The following ZC3H18 variants were observed in gnomAD, a reference collection of about 807,000 sequenced individuals.
ZC3H18 encodes the protein zinc finger CCCH domain-containing protein 18.
ZC3H18 carries 8 observed loss-of-function variants against 106.1 expected under a neutral mutation model. The observed-to-expected ratio is 0.08, with a 90% CI of 0.04 to 0.14. The LOEUF (loss-of-function observed/expected upper bound fraction) is 0.14. Among genes scored for constraint, ZC3H18 ranks in the 10% least tolerant of loss-of-function variants. ZC3H18 has a pLI of 1.00. For missense variants in ZC3H18, 1,318 were observed against 1,278.4 expected (o/e 1.03, Z -0.47); for synonymous variants, 635 against 522.1 (o/e 1.22, Z -2.95).
At chr16:88,620,414 C>A (rs1905884063) in intron 8 of ZC3H18, among the ~76,000 whole-genome samples, 10 of 151,968 alleles carry the variant, frequency 6.6e-5, no homozygotes, top group Admixed American at 6.6e-4. Context: ...CATAGGGAGA[C>A]CTCAAATCAA....
intron 8 of ZC3H18, among the ~76,000 whole-genome samples, chr16:88,617,502 G>T (rs530576809): frequency 1.3e-5 from 2 of 152,242 alleles, no homozygotes; most frequent in South Asian, 4.1e-4. Flanking sequence ...CACCGCCGAG[G>T]CACGTCATTA....
chr16:88,608,947 G>T lies in ZC3H18; in HGVS notation c.1102G>T (p.Ala368Ser). 1.2e-6 allele frequency: 2 copies of T among 1,613,030 alleles called. No homozygotes were observed. Among genetic ancestry groups the T allele is most frequent in the Non-Finnish European group, 1.7e-6 (2 of 1,179,434 alleles). The change falls in exon 7 of 18, where the codon GCA becomes TCA. Residue 368 changes from alanine to serine, a missense_variant. Around this residue, in one of 6 missense-constraint regions of ZC3H18, gnomAD observed 848 missense variants for 821.7 expected, o/e 1.03. Coordinates refer to ENST00000301011, the MANE Select transcript of ZC3H18 (RefSeq NM_144604.4). ...DVRDTVLEPY[A>S]DPYYDYEIER... ...GGCCCTTTTCAGACTCGAGCCTTAC[G>T]CAGACCCTTATTATGACTATGAAAT... is the stretch of plus-strand genomic sequence containing the variant.
chr16:88,582,458 G>A (rs1298248951), intron 2 of ZC3H18, among the ~76,000 whole-genome samples: 2 of 151,862 alleles, frequency 1.3e-5, no homozygotes, highest in African/African-American at 2.4e-5. Flanking sequence ...TCCTGACCTC[G>A]TGATCCACCC....
At chr16:88,588,976 C>A (rs893118835) in intron 3 of ZC3H18, among the ~76,000 whole-genome samples, 2 of 151,870 alleles carry the variant, frequency 1.3e-5, no homozygotes, top group African/African-American at 4.8e-5. Context: ...TGTTTTTATT[C>A]TGTAGAGTGA....
intron 3 of ZC3H18, among the ~76,000 whole-genome samples, chr16:88,587,868 G>A (rs1051845805): frequency 6.6e-6 from 1 of 152,202 alleles, no homozygotes; most frequent in Non-Finnish European, 1.5e-5. Context: ...TAGAGCAGCC[G>A]GGAACGCCCC....
At chr16:88,612,764 G>A (rs372848613) in intron 8 of ZC3H18, among the ~76,000 whole-genome samples, 3 of 152,044 alleles carry the variant, frequency 2.0e-5, no homozygotes, top group Non-Finnish European at 1.5e-5. Flanking sequence ...CACTTTGGGC[G>A]GCCGGGATGG....
Position 88,631,604 on chromosome 16 carries a change from C to T in ZC3H18, c.*305C>T, listed in dbSNP as rs1906696881. Reference sequence around the variant, plus strand: ...CCTTCTCTTCCTCCTCCTCCGTCTTCTTCCCTGGCCCTGGTCAGGCCTGTG... The same window carrying T: ...CCTTCTCTTCCTCCTCCTCCGTCTTTTTCCCTGGCCCTGGTCAGGCCTGTG... On this transcript the variant is annotated 3_prime_UTR_variant, in exon 18 of 18. Transcript: ENST00000301011. The T allele has an allele frequency of 2.0e-6, 1 of 494,300 alleles. No individual in the cohort carries two copies. The highest frequency in any genetic ancestry group is 5.7e-5 in the East Asian group (1 of 17,618). 30.6% of individuals were successfully genotyped at this position (494,300 alleles called of 1,614,324 possible). A position where few individuals can be genotyped will look rare whatever the true frequency, so the allele number is the denominator to read the frequency against.
At chr16:88,588,150 A>G (rs1915544326) in intron 3 of ZC3H18, among the ~76,000 whole-genome samples, 1 of 152,228 alleles carries the variant, frequency 6.6e-6, no homozygotes, top group Admixed American at 6.5e-5. Flanking sequence ...AAGAAATTGG[A>G]ATTTAAGCAG....
intron 2 of ZC3H18, among the ~76,000 whole-genome samples, chr16:88,583,749 A>G (rs1358785187): frequency 6.6e-6 from 1 of 152,166 alleles, no homozygotes. Context: ...ACTCACCCTC[A>G]GTGTCCACGT....
In ZC3H18 at chr16:88,611,469, C is replaced by T; in HGVS notation, c.1408C>T (p.Arg470Cys). The change falls in exon 8 of 18, where the codon CGC (arginine) becomes TGC (cysteine). Residue 470 changes from arginine to cysteine, a missense_variant. Arg to Cys is a radical substitution (Grantham distance 180). This residue lies in a region of ZC3H18 where 848 missense variants were observed against 821.7 expected (regional missense o/e 1.03). Coordinates refer to ENST00000301011, the MANE Select transcript of ZC3H18 (RefSeq NM_144604.4). Reference protein sequence around the residue: ...RDEKDRQHRDRDREKEREKEK... With the variant: ...RDEKDRQHRDCDREKEREKEK... The stretch of plus-strand genomic sequence containing the variant: ...CGAGAAGGACCGGCAGCACCGTGAC[C>T]GCGACCGGGAGAAGGAGCGGGAGAA... 2 of 1,547,882 alleles carry T rather than the reference C, an allele frequency of 1.3e-6. No individual in the cohort carries two copies. Among genetic ancestry groups the T allele is most frequent in the Non-Finnish European group, 1.7e-6 (2 of 1,143,846 alleles).
chr16:88,630,349 A>G (rs1197413501), intron 16 of ZC3H18, 136 bp from the exon 17 acceptor site: 1 of 637,616 alleles, frequency 1.6e-6, no homozygotes, highest in Admixed American at 3.0e-5. Context: ...TCCCCTTTTT[A>G]TTTCTTTATA....
chr16:88,610,526 T>C (rs1420766572), intron 7 of ZC3H18, among the ~76,000 whole-genome samples: 4 of 152,218 alleles, frequency 2.6e-5, no homozygotes, highest in Admixed American at 2.0e-4. Flanking sequence ...TTCCACTGCG[T>C]TCCTCTCTGC....
chr16:88,627,469 C>T lies in ZC3H18; in HGVS notation c.2109-153C>T. 1.0e-5 allele frequency: 11 copies of T among 1,054,946 alleles called. No homozygotes were observed. The highest frequency in any genetic ancestry group is 1.5e-5 in the Non-Finnish European group (11 of 743,282). 65.3% of individuals were successfully genotyped at this position (1,054,946 alleles called of 1,614,324 possible). ...CATGGGGACGTCCCTTACTTTGTAA[C>T]CCTGAAACTGCCCAGTGTCCCCCCA... On this transcript the variant is annotated intron_variant, in intron 13 of 17. Transcript: ENST00000301011. The surrounding 1 kb of genome is among the most constrained non-coding windows in gnomAD (Gnocchi z 4.5).
chr16:88,603,694 C>A (rs1181376370), intron 6 of ZC3H18, among the ~76,000 whole-genome samples: 1 of 148,410 alleles, frequency 6.7e-6, no homozygotes, highest in Non-Finnish European at 1.5e-5. Context: ...GCAATCTGGG[C>A]TCACTGCAAG....
rs746669082 is a variant in ZC3H18 at position 88,586,691 on chromosome 16, GTCT to G, written c.688+8_688+10del. 269 of 1,613,890 alleles carry G rather than the reference GTCT, an allele frequency of 1.7e-4. 2 individuals are homozygous for G. In the Admixed American group the frequency reaches 4.4e-3, roughly 26 times the overall value. On this transcript the variant is annotated splice_region_variant and intron_variant, in intron 3 of 17. Transcript: ENST00000301011. ...TGCCGGTTCTTCATGAAAGGTAATT[GTCT>G]GCGTGTGAGGCCTTCTCGCAGCCAG...
At chr16:88,581,386 A>C (rs1238688631) in intron 2 of ZC3H18, among the ~76,000 whole-genome samples, 1 of 152,192 alleles carries the variant, frequency 6.6e-6, no homozygotes, top group Non-Finnish European at 1.5e-5. Flanking sequence ...ATTATGGGGT[A>C]CACTTTCCTT....
intron 2 of ZC3H18, among the ~76,000 whole-genome samples, chr16:88,583,701 C>G (rs922508587): frequency 6.6e-6 from 1 of 152,178 alleles, no homozygotes; most frequent in Non-Finnish European, 1.5e-5. Flanking sequence ...GGAGACCCGG[C>G]TTCAGATGGG....
At chr16:88,628,482 T>A (rs1235610718) in intron 15 of ZC3H18, among the ~76,000 whole-genome samples, 1 of 152,136 alleles carries the variant, frequency 6.6e-6, no homozygotes, top group Non-Finnish European at 1.5e-5. Flanking sequence ...GAGGCCTGGC[T>A]TCATGGGTCC....
chr16:88,630,412 C>T, intron 16 of ZC3H18, 73 bp from the exon 17 acceptor site: 1 of 1,211,476 alleles, frequency 8.3e-7, no homozygotes, highest in Non-Finnish European at 1.2e-6. Context: ...GAGTCCCTGG[C>T]ATCGGTGAGG....
Sources: gnomAD v4.1 joint callset for allele counts (sites outside exome capture counted in the v4.1 genomes callset) on GRCh38, gnomAD v4.1.1 for gene constraint, gnomAD v4.1.1 regional missense constraint, Gnocchi (gnomAD v3.1) non-coding constraint, MANE v1.5 for transcripts, NCBI Gene and HGNC (gene_info 2026-07-23, HGNC 2026-07-21) for gene names.